The following FAM227B variants were observed in gnomAD, a reference collection of about 807,000 sequenced individuals.
The protein encoded by FAM227B is protein FAM227B.
FAM227B carries 88 observed loss-of-function variants against 73.8 expected under a neutral mutation model. The observed-to-expected ratio is 1.19, with a 90% confidence interval of 1.00 to 1.42. The LOEUF (loss-of-function observed/expected upper bound fraction) is 1.42, where lower values mean the gene tolerates loss of function less well. Among genes scored for constraint, FAM227B ranks in the 40% most tolerant of loss-of-function variants. The pLI is 0.00. For missense variants in FAM227B, 632 were observed against 590.9 expected, an observed-to-expected ratio of 1.07 and a Z score of -0.72; for synonymous variants, 210 against 190.5, an observed-to-expected ratio of 1.10 and a Z score of -0.84.
intron 9 of FAM227B, among the ~76,000 whole-genome samples, chr15:49,562,743 T>A (rs546990915): frequency 4.0e-4 from 60 of 151,866 alleles, no homozygotes; most frequent in East Asian, 1.9e-3. Flanking sequence ...ATAATTTTTT[T>A]AAAAAATATG....
At chr15:49,384,712 C>A (rs140887646) in intron 11 of FAM227B, among the ~76,000 whole-genome samples, 2 of 151,170 alleles carry the variant, frequency 1.3e-5, no homozygotes, top group East Asian at 3.9e-4. Flanking sequence ...ATAAACTGTT[C>A]TGCTGTGACT....
intron 11 of FAM227B, among the ~76,000 whole-genome samples, chr15:49,436,416 A>G (rs2051110041): frequency 6.6e-6 from 1 of 151,572 alleles, no homozygotes; most frequent in Non-Finnish European, 1.5e-5. Flanking sequence ...TCCTTTTATC[A>G]ACACAAGCTG....
chr15:49,551,456 T>G (rs550067462), intron 9 of FAM227B, among the ~76,000 whole-genome samples: 5 of 152,228 alleles, frequency 3.3e-5, no homozygotes, highest in Non-Finnish European at 7.3e-5. Flanking sequence ...TAGAATACTT[T>G]TCTTCATATC....
intron 11 of FAM227B, among the ~76,000 whole-genome samples, chr15:49,507,061 T>C (rs919161606): frequency 1.3e-5 from 2 of 152,030 alleles, no homozygotes; most frequent in African/African-American, 4.8e-5. Flanking sequence ...TTACTCTTTC[T>C]ATCAGAAATC....
At chr15:49,611,641 A>G (rs754107400) in intron 2 of FAM227B, among the ~76,000 whole-genome samples, 1 of 152,236 alleles carries the variant, frequency 6.6e-6, no homozygotes, top group Admixed American at 6.5e-5. Flanking sequence ...TCTTGCTGAT[A>G]AAGTATTTTA....
At chr15:49,497,551 AAC>A (rs1423325750) in intron 11 of FAM227B, among the ~76,000 whole-genome samples, 1 of 152,222 alleles carries the variant, frequency 6.6e-6, no homozygotes, top group Non-Finnish European at 1.5e-5. Context: ...CTGATATAAA[AAC>A]ACAGAAGATA....
At chr15:49,385,853 C>T (rs1221133911) in intron 11 of FAM227B, among the ~76,000 whole-genome samples, 1 of 151,638 alleles carries the variant, frequency 6.6e-6, no homozygotes, top group Non-Finnish European at 1.5e-5. Context: ...AGTAGCTATT[C>T]TTTTATCAGA....
chr15:49,389,387 A>C (rs1398536767), intron 11 of FAM227B, among the ~76,000 whole-genome samples: 2 of 152,012 alleles, frequency 1.3e-5, no homozygotes, highest in Admixed American at 6.6e-5. Context: ...ACAGGAGTGG[A>C]AAACTGAAAA....
chr15:49,602,988 T>C (rs1338357172), intron 3 of FAM227B, among the ~76,000 whole-genome samples: 1 of 152,186 alleles, frequency 6.6e-6, no homozygotes, highest in East Asian at 1.9e-4. Context: ...GTTCTCTTAT[T>C]TTGTTCCATG....
At chr15:49,579,760 T>G (rs1323313108) in intron 5 of FAM227B, among the ~76,000 whole-genome samples, 1 of 152,184 alleles carries the variant, frequency 6.6e-6, no homozygotes, top group East Asian at 1.9e-4. Context: ...TTAGCAACAA[T>G]GTATTGTATA....
intron 10 of FAM227B, among the ~76,000 whole-genome samples, chr15:49,514,707 C>G (rs890783329): frequency 9.9e-5 from 15 of 151,930 alleles, no homozygotes; most frequent in African/African-American, 3.6e-4. Flanking sequence ...TGTGAATTTT[C>G]TTTTCATTTC....
At chr15:49,382,981 C>T (rs564139165) in intron 11 of FAM227B, among the ~76,000 whole-genome samples, 5 of 152,138 alleles carry the variant, frequency 3.3e-5, no homozygotes, top group South Asian at 2.1e-4. Flanking sequence ...AAATGTAAAT[C>T]GGTTCATTTA....
At chr15:49,609,585 T>A (rs1185858550) in intron 3 of FAM227B, among the ~76,000 whole-genome samples, 2 of 151,988 alleles carry the variant, frequency 1.3e-5, no homozygotes, top group Non-Finnish European at 2.9e-5. Flanking sequence ...TATTCACTGA[T>A]ATATCCTAAG....
chr15:49,489,787 GATATATATATATATTTTAT>G lies in FAM227B; in HGVS notation c.1012+18405_1012+18423del, dbSNP rs1260917625. Among the ~76,000 whole-genome samples, 749 of 77,810 alleles carry G rather than the reference GATATATATATATATTTTAT, an allele frequency of 9.6e-3. 16 individuals are homozygous for G. The highest frequency in any genetic ancestry group is 0.011 in the African/African-American group (274 of 24,390). The allele number at this position is 77,810 out of a possible 152,430, so 51.0% of individuals were successfully genotyped here. The stretch of plus-strand genomic sequence containing the variant: ...ATATATAGATATATACAGAACAGGA[GATATATATATATATTTTAT>G]ATATATATATATATTTTATATATAT... On this transcript the variant is annotated intron_variant, in intron 11 of 15. Coordinates refer to ENST00000299338, the MANE Select transcript of FAM227B (RefSeq NM_152647.3).
chr15:49,375,619 G>C (rs1179519844), intron 11 of FAM227B, among the ~76,000 whole-genome samples: 1 of 152,012 alleles, frequency 6.6e-6, no homozygotes, highest in Admixed American at 6.6e-5. Flanking sequence ...TTAAGCTTAA[G>C]ATTTGATCAA....
At chr15:49,497,950 A>C (rs959952927) in intron 11 of FAM227B, among the ~76,000 whole-genome samples, 1 of 152,218 alleles carries the variant, frequency 6.6e-6, no homozygotes, top group Admixed American at 6.5e-5. Flanking sequence ...AAACTGGAAA[A>C]CAAGTAAATT....
chr15:49,571,699 G>C (rs1000969585), intron 8 of FAM227B, among the ~76,000 whole-genome samples: 1 of 151,892 alleles, frequency 6.6e-6, no homozygotes, highest in African/African-American at 2.4e-5. Flanking sequence ...TGTTCTATGC[G>C]TATATGTGTC....
intron 11 of FAM227B, among the ~76,000 whole-genome samples, chr15:49,423,813 C>A (rs1259935124): frequency 6.6e-6 from 1 of 151,982 alleles, no homozygotes; most frequent in Non-Finnish European, 1.5e-5. Context: ...ATGGTACAGT[C>A]ATATTCTGTT....
intron 11 of FAM227B, among the ~76,000 whole-genome samples, chr15:49,507,659 A>G (rs914872111): frequency 1.3e-5 from 2 of 152,156 alleles, no homozygotes; most frequent in Non-Finnish European, 2.9e-5. Flanking sequence ...AGAAAAGAAT[A>G]TTAAAATGTA....
Sources: gnomAD v4.1 joint callset for allele counts (sites outside exome capture counted in the v4.1 genomes callset) on GRCh38, gnomAD v4.1.1 for gene constraint, MANE v1.5 for transcripts, NCBI Gene and HGNC (gene_info 2026-07-23, HGNC 2026-07-21) for gene names.